The following B3GALT1 variants were observed in gnomAD, a reference collection of about 807,000 sequenced individuals.
B3GALT1 encodes the protein beta-1,3-galactosyltransferase 1, also known as UDP-Gal:betaGlcNAc beta 1,3-galactosyltransferase, polypeptide 1.
In B3GALT1, 10 loss-of-function variants were observed where a neutral mutation model predicts 23.2. That is an observed-to-expected ratio of 0.43 (90% CI 0.27 to 0.73). The LOEUF (loss-of-function observed/expected upper bound fraction) is 0.73, where lower values mean the gene tolerates loss of function less well. Ranked by LOEUF, B3GALT1 falls within the 30% of genes least tolerant of loss-of-function variation. The pLI is 0.21. For synonymous variants in B3GALT1, 156 were observed against 141.5 expected (o/e 1.10, Z -0.73); for missense variants, 299 against 405.4 (o/e 0.74, Z 2.25).
At chr2:167,660,803 G>A (rs972964914) in intron 3 of B3GALT1, among the ~76,000 whole-genome samples, 76 of 152,092 alleles carry the variant, frequency 5.0e-4, no homozygotes, top group African/African-American at 1.6e-3. Flanking sequence ...TAGGTTGACA[G>A]TGATTGTACG....
At position 167,732,329 on chromosome 2, in the gene B3GALT1, A is replaced by T. The variant is rs2105266750; in HGVS notation, c.-352+85363A>T. Among the ~76,000 whole-genome samples the T allele has an allele frequency of 1.3e-5, 2 of 152,326 alleles. 1 individual carries two copies. On this transcript the variant is annotated intron_variant, in intron 3 of 4. Coordinates refer to ENST00000392690, the MANE Select transcript of B3GALT1 (RefSeq NM_020981.4). The stretch of plus-strand genomic sequence containing the variant: ...CGAGTCTCCTCATTTTTGGCACCAC[A>T]TTAAAAAACAGAGTTGTGAGTAGTA...
intron 3 of B3GALT1, chr2:167,715,894 A>G: frequency 1.9e-6 from 3 of 1,613,690 alleles, no homozygotes; most frequent in Non-Finnish European, 2.5e-6. Flanking sequence ...CTCCACAAAA[A>G]AAGGAGAACA....
At chr2:167,361,028 A>G (rs1177631486) in intron 1 of B3GALT1, among the ~76,000 whole-genome samples, 2 of 152,170 alleles carry the variant, frequency 1.3e-5, no homozygotes, top group Non-Finnish European at 1.5e-5. Flanking sequence ...GCTGAAAAAG[A>G]TCACAGGATT....
intron 1 of B3GALT1, among the ~76,000 whole-genome samples, chr2:167,324,392 G>T (rs1448405205): frequency 2.0e-5 from 3 of 151,888 alleles, no homozygotes; most frequent in Non-Finnish European, 4.4e-5. Context: ...ATAGTGCAAG[G>T]CACATTACTT....
At chr2:167,394,311 T>C (rs999270616) in intron 1 of B3GALT1, among the ~76,000 whole-genome samples, 4 of 152,312 alleles carry the variant, frequency 2.6e-5, no homozygotes, top group Admixed American at 2.6e-4. Flanking sequence ...GTTTTGACAG[T>C]TCTAAATTAT....
chr2:167,516,164 G>A (rs186378534), intron 2 of B3GALT1, among the ~76,000 whole-genome samples: 1 of 152,078 alleles, frequency 6.6e-6, no homozygotes, highest in Admixed American at 6.5e-5. Context: ...TGTTAGAAAT[G>A]CTGCAAATTT....
intron 3 of B3GALT1, among the ~76,000 whole-genome samples, chr2:167,680,598 T>C (rs951054590): frequency 9.1e-6 from 1 of 109,340 alleles, no homozygotes; most frequent in African/African-American, 3.0e-5. Flanking sequence ...TTCCCAACAT[T>C]CTCTAAATTC....
chr2:167,348,260 C>T (rs1697255972), intron 1 of B3GALT1, among the ~76,000 whole-genome samples: 1 of 152,090 alleles, frequency 6.6e-6, no homozygotes, highest in African/African-American at 2.4e-5. Flanking sequence ...TACATGCGTC[C>T]ATTTAACCAG....
At chr2:167,439,444 T>C (rs1421917007) in intron 1 of B3GALT1, among the ~76,000 whole-genome samples, 1 of 152,216 alleles carries the variant, frequency 6.6e-6, no homozygotes, top group Admixed American at 6.5e-5. Context: ...TTGCTAGATT[T>C]GGGTGTATAT....
At chr2:167,858,672 G>A (rs1346788699) in intron 4 of B3GALT1, among the ~76,000 whole-genome samples, 1 of 152,076 alleles carries the variant, frequency 6.6e-6, no homozygotes, top group African/African-American at 2.4e-5. Flanking sequence ...ACTTGAATCT[G>A]GGTCTTCCAA....
At chr2:167,755,493 C>T (rs543101542) in intron 3 of B3GALT1, among the ~76,000 whole-genome samples, 1 of 147,388 alleles carries the variant, frequency 6.8e-6, no homozygotes, top group Non-Finnish European at 1.5e-5. Flanking sequence ...TTCCTCACCC[C>T]TCCAATCAAT....
At chr2:167,756,807 G>C (rs1203923591) in intron 3 of B3GALT1, among the ~76,000 whole-genome samples, 2 of 152,220 alleles carry the variant, frequency 1.3e-5, no homozygotes, top group African/African-American at 2.4e-5. Flanking sequence ...TTGGGACTTA[G>C]AGTAGAAGTC....
At chr2:167,819,200 T>C (rs572326758) in intron 4 of B3GALT1, among the ~76,000 whole-genome samples, 2 of 152,312 alleles carry the variant, frequency 1.3e-5, no homozygotes, top group Non-Finnish European at 2.9e-5. Context: ...AGATATGCTT[T>C]AGATGACCTA....
At chr2:167,471,826 G>A (rs138642299) in intron 1 of B3GALT1, among the ~76,000 whole-genome samples, 349 of 152,184 alleles carry the variant, frequency 2.3e-3, no homozygotes, top group Non-Finnish European at 4.4e-3. Context: ...ATAATACTAT[G>A]GCTGGGCTTT....
At chr2:167,332,404 A>G (rs1377153120) in intron 1 of B3GALT1, among the ~76,000 whole-genome samples, 1 of 152,260 alleles carries the variant, frequency 6.6e-6, no homozygotes, top group Non-Finnish European at 1.5e-5. Flanking sequence ...TACCTATTGC[A>G]CTAATAGTGG....
intron 3 of B3GALT1, among the ~76,000 whole-genome samples, chr2:167,700,865 G>A (rs1172723180): frequency 6.6e-6 from 1 of 152,102 alleles, no homozygotes; most frequent in Non-Finnish European, 1.5e-5. Context: ...GGGGTAGAGA[G>A]TGATCAAGAA....
chr2:167,445,211 T>G (rs1361980008), intron 1 of B3GALT1, among the ~76,000 whole-genome samples: 1 of 152,248 alleles, frequency 6.6e-6, no homozygotes, highest in Non-Finnish European at 1.5e-5. Flanking sequence ...CTAGTTTGAT[T>G]GCACTGTGGT....
intron 4 of B3GALT1, among the ~76,000 whole-genome samples, chr2:167,840,186 A>C (rs1183617731): frequency 5.9e-5 from 9 of 151,676 alleles, no homozygotes; most frequent in South Asian, 4.1e-4. Flanking sequence ...AATGGGATCT[A>C]ATTAAACTAA....
intron 3 of B3GALT1, among the ~76,000 whole-genome samples, chr2:167,768,542 T>C (rs762827490): frequency 6.6e-6 from 1 of 152,232 alleles, no homozygotes; most frequent in Non-Finnish European, 1.5e-5. Context: ...ATGATGTAAT[T>C]ATAAATTCCA....
Sources: allele counts gnomAD v4.1 joint callset (sites outside exome capture counted in the v4.1 genomes callset), GRCh38; gene constraint gnomAD v4.1.1; transcripts MANE v1.5; gene names NCBI Gene and HGNC (gene_info 2026-07-23, HGNC 2026-07-21).